The following CHAT variants were observed in gnomAD, a reference collection of about 807,000 sequenced individuals.
The protein encoded by CHAT is acetyl CoA:choline O-acetyltransferase.
A neutral mutation model predicts 76.9 loss-of-function variants in CHAT; 61 were observed. The observed-to-expected ratio is 0.79, with a 90% CI of 0.65 to 0.98. The LOEUF (loss-of-function observed/expected upper bound fraction) is 0.98, where lower values mean the gene tolerates loss of function less well. Among genes scored for constraint, CHAT ranks in the 50% least tolerant of loss-of-function variants. CHAT has a pLI of 0.00. For missense variants in CHAT, 946 were observed against 986.9 expected (o/e 0.96, Z 0.56); for synonymous variants, 407 against 397.4 (o/e 1.02, Z -0.29).
chr10:49,622,310 C>A (rs1358943659), intron 5 of CHAT, among the ~76,000 whole-genome samples, 160 bp downstream of exon 5: 1 of 152,242 alleles, frequency 6.6e-6, no homozygotes, highest in East Asian at 1.9e-4. Flanking sequence ...ATCAGGATGA[C>A]CTTTAGCCTG....
intron 11 of CHAT, among the ~76,000 whole-genome samples, chr10:49,654,329 G>T (rs1167799150): frequency 6.6e-6 from 1 of 152,404 alleles, no homozygotes; most frequent in Admixed American, 6.5e-5. Context: ...AGAGGGCTGA[G>T]ATGTGGGGCC....
intron 7 of CHAT, among the ~76,000 whole-genome samples, chr10:49,629,974 T>C (rs533865541): frequency 1.1e-4 from 16 of 152,280 alleles, no homozygotes; most frequent in African/African-American, 3.4e-4. Context: ...CGAGAACAAT[T>C]CCTGGGCTTT....
chr10:49,655,132 T>C lies in CHAT; in HGVS notation c.1672T>C (p.Ser558Pro). The change falls in exon 12 of 15, where the codon TCC becomes CCC. Residue 558 changes from serine (S) to proline (P), a missense_variant. Transcript: ENST00000337653. ...ACTGGTGCCCACCTACGAGAGCGCG[T>C]CCATCCGCCGATTCCAGGAGGGACG... ...RRLVPTYESA[S>P]IRRFQEGRVD... 6.2e-7 allele frequency: 1 copy of C among 1,613,734 alleles called. No homozygotes were observed. Among genetic ancestry groups the C allele is most frequent in the Non-Finnish European group, 8.5e-7 (1 of 1,179,910 alleles).
intron 3 of CHAT, among the ~76,000 whole-genome samples, chr10:49,620,138 G>A (rs1838651194): frequency 6.6e-6 from 1 of 152,120 alleles, no homozygotes; most frequent in Admixed American, 6.5e-5. Context: ...AATACGGATA[G>A]AGAAAGAGGC....
chr10:49,633,529 G>A (rs1839195438), intron 7 of CHAT, among the ~76,000 whole-genome samples: 1 of 152,196 alleles, frequency 6.6e-6, no homozygotes, highest in Non-Finnish European at 1.5e-5. Context: ...TGCCAGGGAG[G>A]CCAGGTGGGA....
chr10:49,623,318 G>A (rs1034168764), intron 5 of CHAT, among the ~76,000 whole-genome samples: 1 of 152,086 alleles, frequency 6.6e-6, no homozygotes, highest in Non-Finnish European at 1.5e-5. Context: ...TCACATGTGT[G>A]TGCACACTCA....
At chr10:49,641,080 A>G (rs760545226) in intron 7 of CHAT, among the ~76,000 whole-genome samples, 25 of 152,232 alleles carry the variant, frequency 1.6e-4, no homozygotes, top group Non-Finnish European at 2.9e-4. Flanking sequence ...GGCAACTACA[A>G]GCCACCTTCT....
rs755091583 is a variant in CHAT, at chr10:49,614,184, G to C, written c.-6G>C. ...TGAGATCCCTGGGCGGGGAGCTGGG[G>C]AAGGGATGGGGCTGAGGACAGCGAA... is the stretch of plus-strand genomic sequence containing the variant. On this transcript the variant is annotated 5_prime_UTR_variant, in exon 1 of 15. Coordinates refer to ENST00000337653, the MANE Select transcript of CHAT (RefSeq NM_020549.5). The C allele has an allele frequency of 6.8e-7, 1 of 1,465,136 alleles. No homozygotes were observed. The highest frequency in any genetic ancestry group is 1.2e-5 in the South Asian group (1 of 81,810). 90.8% of individuals were successfully genotyped at this position (1,465,136 alleles called of 1,614,324 possible).
chr10:49,660,845 A>G (rs1046141634), intron 13 of CHAT, among the ~76,000 whole-genome samples: 1 of 152,192 alleles, frequency 6.6e-6, no homozygotes, highest in African/African-American at 2.4e-5. Context: ...GTGGTTGGAC[A>G]TGGAGGGTAA....
At position 49,620,410 on chromosome 10, in the gene CHAT, G is replaced by A. The variant is rs1838660763; in HGVS notation, c.580-85G>A. The A allele has an allele frequency of 1.1e-5, 10 of 899,094 alleles. No individual in the cohort carries two copies. The Admixed American group carries it at 1.2e-4, about 11-fold the overall frequency. 55.7% of individuals were successfully genotyped at this position (899,094 alleles called of 1,614,324 possible). On this transcript the variant is annotated intron_variant, in intron 3 of 14. Transcript: ENST00000337653. ...TGTGGAATGAATGAATTAATGCTCT[G>A]GTGAAGTGTCCCGATTTTCTCTCGG...
At chr10:49,634,344 G>A (rs747487792) in intron 7 of CHAT, among the ~76,000 whole-genome samples, 12 of 152,264 alleles carry the variant, frequency 7.9e-5, no homozygotes, top group Non-Finnish European at 1.6e-4. Context: ...GGCACACAGA[G>A]GGTGTTGGCT....
intron 7 of CHAT, among the ~76,000 whole-genome samples, chr10:49,631,713 G>T (rs1005936537): frequency 5.3e-5 from 8 of 152,202 alleles, no homozygotes; most frequent in Non-Finnish European, 1.2e-4. Flanking sequence ...CTTTAGAGGT[G>T]GTGGGCTCAT....
At chr10:49,611,250 C>A (rs750306476), upstream of CHAT, 6 of 1,613,344 alleles carry the variant, frequency 3.7e-6, no homozygotes, top group Admixed American at 1.0e-4. Flanking sequence ...TCCTGTTCGC[C>A]TTCGCCGAGG....
intron 11 of CHAT, among the ~76,000 whole-genome samples, chr10:49,653,671 G>A (rs1459161728): frequency 6.6e-6 from 1 of 152,208 alleles, no homozygotes; most frequent in African/African-American, 2.4e-5. Context: ...GACTTGAAGA[G>A]GCAGAAACCT....
chr10:49,633,687 G>A (rs1042988739), intron 7 of CHAT, among the ~76,000 whole-genome samples: 38 of 152,298 alleles, frequency 2.5e-4, no homozygotes, highest in African/African-American at 7.9e-4. Flanking sequence ...ATTCAGCCCC[G>A]AGTCTGGGAG....
chr10:49,627,105 C>T (rs760509499), intron 6 of CHAT, among the ~76,000 whole-genome samples: 1 of 152,236 alleles, frequency 6.6e-6, no homozygotes, highest in Non-Finnish European at 1.5e-5. Flanking sequence ...ATATACACCA[C>T]ATTTCACTTA....
intron 2 of CHAT, among the ~76,000 whole-genome samples, chr10:49,618,984 T>G: frequency 6.6e-6 from 1 of 152,186 alleles, no homozygotes. Flanking sequence ...GGACATCCAC[T>G]GCATCCCCAC....
At chr10:49,629,274 A>C (rs1444130972) in intron 7 of CHAT, among the ~76,000 whole-genome samples, 1 of 152,234 alleles carries the variant, frequency 6.6e-6, no homozygotes, top group African/African-American at 2.4e-5. Context: ...GTGATTAAAA[A>C]TGCCAGGCCC....
At position 49,622,663 on chromosome 10, in the gene CHAT, G is replaced by C. The variant is rs546499070; in HGVS notation, c.752+513G>C. Among the ~76,000 whole-genome samples the C allele has an allele frequency of 1.2e-4, 19 of 152,294 alleles. No individual in the cohort carries two copies. In the South Asian group the frequency reaches 3.9e-3, roughly 32 times the overall value. On this transcript the variant is annotated intron_variant, in intron 5 of 14. Transcript: ENST00000337653. ...GTCCCTCTCCTGGCCAAGCTTAGGAGAGCAGGAGGGTGTCTGAGAGCAGCA... is the reference window on the plus strand; with the variant it reads ...GTCCCTCTCCTGGCCAAGCTTAGGACAGCAGGAGGGTGTCTGAGAGCAGCA...
Sources: gnomAD v4.1 joint callset for allele counts (sites outside exome capture counted in the v4.1 genomes callset) on GRCh38, gnomAD v4.1.1 for gene constraint, MANE v1.5 for transcripts, NCBI Gene and HGNC (gene_info 2026-07-23, HGNC 2026-07-21) for gene names.